Variants in CDH4 observed in about 807,000 individuals in gnomAD.
CDH4 encodes the protein cadherin-4.
Under a neutral mutation model 86.0 loss-of-function variants are expected in CDH4, and 33 were observed. The observed-to-expected ratio is 0.38, with a 90% CI of 0.29 to 0.51. The LOEUF is 0.51. CDH4 is among the 20% of genes least tolerant of loss of function. The pLI is 0.86. For missense variants in CDH4, 1,114 were observed against 1,307.4 expected (o/e 0.85, Z 2.28); for synonymous variants, 555 against 549.4 (o/e 1.01, Z -0.14).
chr20:61,877,879 G>A (rs568992626), intron 7 of CDH4, among the ~76,000 whole-genome samples: 1 of 152,252 alleles, frequency 6.6e-6, no homozygotes, highest in East Asian at 1.9e-4. Flanking sequence ...ACGTCCCTGG[G>A]GTCCATTGTG....
intron 2 of CDH4, among the ~76,000 whole-genome samples, chr20:61,647,574 C>CCCCTCTCCTCTCT (rs2087078016): frequency 1.0e-5 from 1 of 96,282 alleles, no homozygotes; most frequent in Non-Finnish European, 2.3e-5. Flanking sequence ...CCTCTCCCTC[C>CCCCTCTCCTCTCT]CTCCCCCTCT....
chr20:61,590,443 C>T (rs944617867), intron 2 of CDH4, among the ~76,000 whole-genome samples: 3 of 152,148 alleles, frequency 2.0e-5, no homozygotes, highest in East Asian at 2.0e-4. Context: ...AAGGAGGGCA[C>T]TCTCTCCCGA....
chr20:61,711,389 C>A (rs2087891312), intron 2 of CDH4, among the ~76,000 whole-genome samples: 1 of 152,238 alleles, frequency 6.6e-6, no homozygotes, highest in Non-Finnish European at 1.5e-5. Flanking sequence ...TGGACTAATA[C>A]AGAAGGCTTG....
intron 7 of CDH4, among the ~76,000 whole-genome samples, chr20:61,876,689 A>G (rs1323365419): frequency 4.6e-5 from 7 of 152,080 alleles, no homozygotes; most frequent in Admixed American, 2.6e-4. Flanking sequence ...TCTGGCCTGC[A>G]CTGGTTTCGT....
intron 2 of CDH4, among the ~76,000 whole-genome samples, chr20:61,665,762 G>A (rs555465710): frequency 7.2e-5 from 11 of 152,286 alleles, no homozygotes; most frequent in East Asian, 1.9e-4. Context: ...ATTTATCTCC[G>A]ACCTTTGAGT....
At chr20:61,525,150 A>G (rs1024749501) in intron 2 of CDH4, among the ~76,000 whole-genome samples, 1 of 152,192 alleles carries the variant, frequency 6.6e-6, no homozygotes, top group African/African-American at 2.4e-5. Context: ...TTTTATCCTA[A>G]TGCCCATTTG....
intron 8 of CDH4, among the ~76,000 whole-genome samples, chr20:61,900,376 G>A (rs1010047700): frequency 1.6e-4 from 24 of 151,934 alleles, no homozygotes; most frequent in Admixed American, 1.3e-4. Flanking sequence ...TCATTAATTG[G>A]AGCCAACTTT....
intron 4 of CDH4, among the ~76,000 whole-genome samples, chr20:61,819,071 G>A (rs1601020523): frequency 6.6e-6 from 1 of 152,228 alleles, no homozygotes; most frequent in Non-Finnish European, 1.5e-5. Flanking sequence ...TGAGCAGACA[G>A]AGGACCCTGT....
At chr20:61,315,888 T>G (rs898188569) in intron 2 of CDH4, among the ~76,000 whole-genome samples, 2 of 152,128 alleles carry the variant, frequency 1.3e-5, no homozygotes, top group East Asian at 3.9e-4. Flanking sequence ...TTTTTTGTAT[T>G]TTTTGTAGAG....
chr20:61,800,525 A>C (rs1979774104), intron 4 of CDH4, among the ~76,000 whole-genome samples: 1 of 152,346 alleles, frequency 6.6e-6, no homozygotes, highest in African/African-American at 2.4e-5. Flanking sequence ...ACAGAAAGGA[A>C]ATGGAGCCCA....
intron 2 of CDH4, among the ~76,000 whole-genome samples, chr20:61,443,534 TCTC>T (rs1191269599): frequency 3.3e-5 from 5 of 152,136 alleles, no homozygotes; most frequent in East Asian, 1.9e-4. Context: ...ATACCTTTCT[TCTC>T]CTGATCACAC....
intron 2 of CDH4, among the ~76,000 whole-genome samples, chr20:61,704,930 A>G (rs769134529): frequency 6.6e-6 from 1 of 152,194 alleles, no homozygotes; most frequent in Non-Finnish European, 1.5e-5. Flanking sequence ...CCAGGGATAT[A>G]GAGTATGGGC....
At chr20:61,452,135 G>A (rs925619104) in intron 2 of CDH4, among the ~76,000 whole-genome samples, 9 of 152,162 alleles carry the variant, frequency 5.9e-5, no homozygotes, top group Admixed American at 5.9e-4. Flanking sequence ...TTGCGCGGCT[G>A]GTGGAGGCTT....
intron 2 of CDH4, among the ~76,000 whole-genome samples, chr20:61,556,501 A>G (rs2086178572): frequency 6.6e-6 from 1 of 152,184 alleles, no homozygotes; most frequent in Non-Finnish European, 1.5e-5. Flanking sequence ...AGAAACAATG[A>G]AAGTCCAAAC....
intron 4 of CDH4, among the ~76,000 whole-genome samples, chr20:61,787,543 T>G (rs1978949103): frequency 6.6e-6 from 1 of 152,146 alleles, no homozygotes; most frequent in Non-Finnish European, 1.5e-5. Context: ...CAATTCAAGA[T>G]GATATTTGGG....
At chr20:61,604,425 G>A (rs2086626879) in intron 2 of CDH4, among the ~76,000 whole-genome samples, 1 of 152,214 alleles carries the variant, frequency 6.6e-6, no homozygotes, top group African/African-American at 2.4e-5. Flanking sequence ...GACTCCAAAT[G>A]GGAACATACC....
intron 12 of CDH4, 81 bp from the exon 13 acceptor site, chr20:61,929,528 C>T (rs1468541421): frequency 7.6e-6 from 8 of 1,055,448 alleles, no homozygotes; most frequent in Middle Eastern, 2.0e-4. Flanking sequence ...TGCCATCGGA[C>T]TTTTAGTCTT....
chr20:61,412,918 C>A (rs1479989974), intron 2 of CDH4, among the ~76,000 whole-genome samples: 1 of 152,162 alleles, frequency 6.6e-6, no homozygotes, highest in African/African-American at 2.4e-5. Context: ...CCAGGGAGAC[C>A]CTGAGGGGCT....
At chr20:61,877,217 C>T (rs563699640) in intron 7 of CDH4, among the ~76,000 whole-genome samples, 2 of 152,280 alleles carry the variant, frequency 1.3e-5, no homozygotes, top group South Asian at 2.1e-4. Flanking sequence ...CTAGCAGTCC[C>T]AGCCACCCAG....
Sources: gnomAD v4.1 joint callset for allele counts (sites outside exome capture counted in the v4.1 genomes callset) on GRCh38, gnomAD v4.1.1 for gene constraint, MANE v1.5 for transcripts, NCBI Gene and HGNC (gene_info 2026-07-23, HGNC 2026-07-21) for gene names.